The following RABGAP1L variants were observed in gnomAD, a reference collection of about 807,000 sequenced individuals.
The protein encoded by RABGAP1L is rab GTPase-activating protein 1-like.
In RABGAP1L, 63 loss-of-function variants were observed where a neutral mutation model predicts 137.7. The observed-to-expected ratio is 0.46, with a 90% CI of 0.37 to 0.56. The LOEUF is 0.56. Ranked by LOEUF, RABGAP1L falls within the 20% of genes least tolerant of loss-of-function variation. RABGAP1L has a pLI of 0.00. For missense variants in RABGAP1L, 1,095 were observed against 1,244.0 expected (o/e 0.88, Z 1.80); for synonymous variants, 431 against 433.7 (o/e 0.99, Z 0.08).
rs1190513202 is a variant in RABGAP1L, at chr1:174,937,632, A to ATATATATATATATATATATATC, written c.2341-19822_2341-19821insATATATATATATATATATCTAT. 5.4e-5 allele frequency among the ~76,000 whole-genome samples: 7 copies of ATATATATATATATATATATATC among 128,644 alleles called. 1 individual carries two copies. The highest frequency in any genetic ancestry group is 1.1e-4 in the Non-Finnish European group (7 of 61,954). 84.4% of individuals were successfully genotyped at this position (128,644 alleles called of 152,430 possible). A position where few individuals can be genotyped will look rare whatever the true frequency, so the allele number is the denominator to read the frequency against. On this transcript the variant is annotated intron_variant, in intron 19 of 25. Transcript: ENST00000681986. ...AATACTTCATTAAATATATATATAT[A>ATATATATATATATATATATATC]TATCTTGCAGTTAGAAACTGTCATA...
At chr1:174,596,308 G>A (rs566862418) in intron 13 of RABGAP1L, among the ~76,000 whole-genome samples, 12 of 151,664 alleles carry the variant, frequency 7.9e-5, no homozygotes, top group South Asian at 2.1e-4. Flanking sequence ...GAAATCACCC[G>A]TCTTCTGCGT....
At chr1:174,654,381 A>G (rs1172958820) in intron 14 of RABGAP1L, among the ~76,000 whole-genome samples, 1 of 152,230 alleles carries the variant, frequency 6.6e-6, no homozygotes. Flanking sequence ...TTTAATGCAT[A>G]TAAACCCTAA....
intron 19 of RABGAP1L, among the ~76,000 whole-genome samples, chr1:174,823,058 T>G (rs1409669326): frequency 6.6e-6 from 1 of 152,192 alleles, no homozygotes; most frequent in African/African-American, 2.4e-5. Flanking sequence ...CGTTCCAAAA[T>G]TGGAACTATG....
At chr1:174,437,597 T>C (rs1186666752) in intron 13 of RABGAP1L, among the ~76,000 whole-genome samples, 1 of 152,188 alleles carries the variant, frequency 6.6e-6, no homozygotes, top group African/African-American at 2.4e-5. Flanking sequence ...GTGTAATTGG[T>C]GTACCTGAAA....
At chr1:174,632,882 T>A (rs949474068) in intron 13 of RABGAP1L, among the ~76,000 whole-genome samples, 6 of 151,716 alleles carry the variant, frequency 4.0e-5, no homozygotes, top group African/African-American at 1.5e-4. Flanking sequence ...TGAAGCCTTC[T>A]TCTCTCAGCT....
chr1:174,875,829 C>A, intron 19 of RABGAP1L: 1 of 504,494 alleles, frequency 2.0e-6, no homozygotes, highest in Non-Finnish European at 2.6e-6. Flanking sequence ...GAAAATAATG[C>A]TTAACAGACA....
At chr1:174,649,537 T>C (rs1003664307) in intron 14 of RABGAP1L, among the ~76,000 whole-genome samples, 7 of 152,176 alleles carry the variant, frequency 4.6e-5, no homozygotes, top group African/African-American at 1.7e-4. Flanking sequence ...CCCCACTCTC[T>C]TCTGGCTTGT....
At chr1:174,239,658 T>C (rs985812984) in intron 4 of RABGAP1L, among the ~76,000 whole-genome samples, 3 of 152,178 alleles carry the variant, frequency 2.0e-5, no homozygotes, top group Non-Finnish European at 2.9e-5. Flanking sequence ...GATTATAAGC[T>C]TGTGAGAATA....
intron 18 of RABGAP1L, among the ~76,000 whole-genome samples, chr1:174,794,154 C>CA (rs1688067556): frequency 1.3e-5 from 2 of 152,102 alleles, no homozygotes; most frequent in Non-Finnish European, 2.9e-5. Flanking sequence ...TAAAAATTGT[C>CA]AATCAGGCAA....
intron 19 of RABGAP1L, among the ~76,000 whole-genome samples, chr1:174,916,188 C>A (rs1013127165): frequency 1.3e-5 from 2 of 151,630 alleles, no homozygotes; most frequent in Non-Finnish European, 2.9e-5. Context: ...ATTCTTTCCC[C>A]TATTGAATTT....
Position 174,969,391 on chromosome 1 carries a change from A to G in RABGAP1L, c.2544+4A>G. Reference sequence around the variant, plus strand: ...TCTACGGAATGACTTGGATCAGGTAATCCTTAGAAATGAGACTGTGATGAC... The same window carrying G: ...TCTACGGAATGACTTGGATCAGGTAGTCCTTAGAAATGAGACTGTGATGAC... On this transcript the variant is annotated splice_donor_region_variant and intron_variant, in intron 21 of 25. Coordinates refer to ENST00000681986, the MANE Select transcript of RABGAP1L (RefSeq NM_001366446.1). 6.5e-7 allele frequency: 1 copy of G among 1,542,200 alleles called. No individual in the cohort carries two copies. The highest frequency in any genetic ancestry group is 8.8e-7 in the Non-Finnish European group (1 of 1,139,368).
chr1:174,543,438 A>G lies in RABGAP1L; in HGVS notation c.1711-93937A>G, dbSNP rs568853003. Among the ~76,000 whole-genome samples the G allele has an allele frequency of 1.6e-4, 24 of 151,488 alleles. 1 individual carries two copies. The highest frequency in any genetic ancestry group is 5.3e-4 in the African/African-American group (22 of 41,284). Reference sequence around the variant, plus strand: ...CAACCCCTGCTTTTTTTTGTTTTCCATTTGCTTGGCAGATCTTCCTTCATC... The same window carrying G: ...CAACCCCTGCTTTTTTTTGTTTTCCGTTTGCTTGGCAGATCTTCCTTCATC... On this transcript the variant is annotated intron_variant, in intron 13 of 25. Coordinates refer to ENST00000681986, the MANE Select transcript of RABGAP1L (RefSeq NM_001366446.1).
At chr1:174,871,967 G>C (rs184066467) in intron 19 of RABGAP1L, among the ~76,000 whole-genome samples, 22 of 152,250 alleles carry the variant, frequency 1.4e-4, no homozygotes, top group African/African-American at 4.8e-4. Context: ...GTGGATTTTA[G>C]TTTCAAATGA....
At chr1:174,416,019 CAT>C (rs143285036) in intron 13 of RABGAP1L, among the ~76,000 whole-genome samples, 15,835 of 128,964 alleles carry the variant, frequency 0.12, 1,383 homozygotes, top group East Asian at 0.22. Context: ...AGAAAATTTA[CAT>C]ATATATATAT....
At chr1:174,438,379 A>G (rs939866417) in intron 13 of RABGAP1L, among the ~76,000 whole-genome samples, 2 of 152,142 alleles carry the variant, frequency 1.3e-5, no homozygotes, top group South Asian at 4.1e-4. Context: ...CTGAAGATCA[A>G]TTTGAGAAAA....
chr1:174,189,294 G>T (rs566199217), intron 1 of RABGAP1L, among the ~76,000 whole-genome samples: 2 of 152,098 alleles, frequency 1.3e-5, no homozygotes, highest in South Asian at 2.1e-4. Flanking sequence ...CGTGAGCCAC[G>T]ACGCCCGGCA....
intron 19 of RABGAP1L, chr1:174,935,105 C>A (rs2149270860): frequency 1.3e-5 from 2 of 152,096 alleles, no homozygotes; most frequent in Middle Eastern, 3.4e-3. Context: ...GCTTTTCTGT[C>A]AGCAAAAAGG....
intron 13 of RABGAP1L, among the ~76,000 whole-genome samples, chr1:174,463,413 C>G (rs1267083332): frequency 6.8e-6 from 1 of 146,130 alleles, no homozygotes; most frequent in Non-Finnish European, 1.5e-5. Context: ...ATCGCAAAAA[C>G]AAAAAACCAA....
chr1:174,752,219 G>C (rs917150380), intron 17 of RABGAP1L, 94 bp from the exon 18 acceptor site: 4 of 949,992 alleles, frequency 4.2e-6, no homozygotes, highest in African/African-American at 3.5e-5. Flanking sequence ...AAAGCAATTA[G>C]GAATTTTATT....
Sources: allele counts gnomAD v4.1 joint callset (sites outside exome capture counted in the v4.1 genomes callset), GRCh38; gene constraint gnomAD v4.1.1; transcripts MANE v1.5; gene names NCBI Gene and HGNC (gene_info 2026-07-23, HGNC 2026-07-21).